The following ARHGAP22 variants were observed in gnomAD, a reference collection of about 807,000 sequenced individuals.
ARHGAP22 encodes rho GTPase-activating protein 22.
A neutral mutation model predicts 59.1 loss-of-function variants in ARHGAP22; 48 were observed. That is an observed-to-expected ratio of 0.81 (90% confidence interval 0.64 to 1.03). The LOEUF (loss-of-function observed/expected upper bound fraction) is 1.03, where lower values mean the gene tolerates loss of function less well. Among genes scored for constraint, ARHGAP22 ranks in the 50% least tolerant of loss-of-function variants. The pLI is 0.00. For synonymous variants in ARHGAP22, 445 were observed against 416.4 expected (o/e 1.07, Z -0.84); for missense variants, 1,015 against 958.7 (o/e 1.06, Z -0.78).
intron 3 of ARHGAP22, among the ~76,000 whole-genome samples, chr10:48,496,893 C>T (rs2134305603): frequency 6.6e-6 from 1 of 152,264 alleles, no homozygotes; most frequent in Non-Finnish European, 1.5e-5. Context: ...CTAACTGCCA[C>T]TGGGCCGTGA....
intron 3 of ARHGAP22, among the ~76,000 whole-genome samples, chr10:48,547,099 T>C (rs2056504839): frequency 6.6e-6 from 1 of 152,200 alleles, no homozygotes; most frequent in Non-Finnish European, 1.5e-5. Flanking sequence ...TGTGAGGCCC[T>C]TGATGTCTGT....
At chr10:48,475,718 A>T (rs185547564) in intron 4 of ARHGAP22, among the ~76,000 whole-genome samples, 1 of 151,926 alleles carries the variant, frequency 6.6e-6, no homozygotes, top group Non-Finnish European at 1.5e-5. Flanking sequence ...CTCACCTCTC[A>T]CCTGCACTGT....
chr10:48,595,914 C>T (rs2060037856), intron 1 of ARHGAP22, among the ~76,000 whole-genome samples: 1 of 152,192 alleles, frequency 6.6e-6, no homozygotes, highest in African/African-American at 2.4e-5. Context: ...CCTAATGAGC[C>T]TCGCCTCGGC....
the ARHGAP22 span, chr10:48,431,345 C>G: frequency 1.1e-6 from 1 of 877,600 alleles, no homozygotes. Flanking sequence ...CTGAAACCTG[C>G]AGTTCTTCCC....
At chr10:48,482,867 T>C (rs2049465832) in intron 3 of ARHGAP22, among the ~76,000 whole-genome samples, 1 of 152,130 alleles carries the variant, frequency 6.6e-6, no homozygotes, top group African/African-American at 2.4e-5. Context: ...TACCCTGCTA[T>C]GGAACATTAG....
intron 2 of ARHGAP22, among the ~76,000 whole-genome samples, chr10:48,573,223 G>T (rs1174097918): frequency 6.6e-6 from 1 of 152,150 alleles, no homozygotes; most frequent in Admixed American, 6.5e-5. Context: ...TTCCACCCAG[G>T]GGAGAAGGCC....
intron 1 of ARHGAP22, among the ~76,000 whole-genome samples, chr10:48,597,612 A>C (rs550412878): frequency 1.3e-5 from 2 of 152,302 alleles, no homozygotes; most frequent in African/African-American, 4.8e-5. Flanking sequence ...CTGAGTGAAC[A>C]GTGTAGGCCC....
intron 3 of ARHGAP22, among the ~76,000 whole-genome samples, chr10:48,526,601 G>A (rs1476397281): frequency 1.3e-5 from 2 of 152,184 alleles, no homozygotes; most frequent in Non-Finnish European, 2.9e-5. Context: ...CTGCATTCAG[G>A]GAGAGCATCT....
intron 1 of ARHGAP22, among the ~76,000 whole-genome samples, chr10:48,635,281 G>C (rs1234427797): frequency 6.6e-6 from 1 of 152,196 alleles, no homozygotes; most frequent in Admixed American, 6.5e-5. Flanking sequence ...GTCTCCTCAG[G>C]CATGACTAGT....
intron 4 of ARHGAP22, among the ~76,000 whole-genome samples, chr10:48,465,740 G>T (rs1432898970): frequency 6.6e-6 from 1 of 152,206 alleles, no homozygotes; most frequent in African/African-American, 2.4e-5. Flanking sequence ...CTGGGAAGAG[G>T]CACAATGAGG....
intron 3 of ARHGAP22, among the ~76,000 whole-genome samples, chr10:48,555,120 T>C (rs2057203990): frequency 6.6e-6 from 1 of 152,210 alleles, no homozygotes; most frequent in Admixed American, 6.5e-5. Context: ...CTAAATATTC[T>C]TGATCTGTGC....
chr10:48,565,218 C>T (rs2057973971), intron 2 of ARHGAP22, among the ~76,000 whole-genome samples: 1 of 152,222 alleles, frequency 6.6e-6, no homozygotes, highest in African/African-American at 2.4e-5. Flanking sequence ...CTCAGTTTCT[C>T]TCTCTGTTAA....
intron 3 of ARHGAP22, among the ~76,000 whole-genome samples, chr10:48,484,454 C>T (rs1167224406): frequency 6.6e-6 from 1 of 152,144 alleles, no homozygotes; most frequent in East Asian, 1.9e-4. Flanking sequence ...CCTGCAGTTT[C>T]CTTTACTTAC....
At chr10:48,537,481 C>G (rs2055476245) in intron 3 of ARHGAP22, among the ~76,000 whole-genome samples, 1 of 152,238 alleles carries the variant, frequency 6.6e-6, no homozygotes, top group African/African-American at 2.4e-5. Flanking sequence ...AGGCCTGGTT[C>G]TCCAGGATGC....
At chr10:48,534,049 C>T (rs1326977899) in intron 3 of ARHGAP22, among the ~76,000 whole-genome samples, 1 of 152,234 alleles carries the variant, frequency 6.6e-6, no homozygotes, top group African/African-American at 2.4e-5. Context: ...AGTGCATTCT[C>T]TGGCACACTG....
chr10:48,524,101 C>T, intron 3 of ARHGAP22: 1 of 1,361,482 alleles, frequency 7.3e-7, no homozygotes, highest in East Asian at 3.1e-5. Context: ...CAGCACAGCC[C>T]CATGGCAGCC....
intron 3 of ARHGAP22, among the ~76,000 whole-genome samples, chr10:48,493,214 G>A (rs1197202501): frequency 1.3e-5 from 2 of 152,176 alleles, no homozygotes; most frequent in Non-Finnish European, 2.9e-5. Flanking sequence ...CCTGGGCAAT[G>A]AGCCAGCTGG....
In ARHGAP22 at chr10:48,483,992, A is replaced by G. The variant is rs750350124; in HGVS notation, c.323-4228T>C. On this transcript the variant is annotated intron_variant, in intron 3 of 9. Transcript: ENST00000249601. ...AGTCTTTCCCTCTATGTTTTCTTCC[A>G]GTAGTTTCATACTTTCATGTTTTAT... Among the ~76,000 whole-genome samples the G allele has an allele frequency of 3.9e-5, 6 of 152,214 alleles. 1 individual carries two copies. The South Asian group carries it at 6.2e-4, about 16-fold the overall frequency.
rs993542569 is a variant in ARHGAP22, at chr10:48,453,531, G to C, written c.867-106C>G. 9 of 1,532,510 alleles carry C rather than the reference G, an allele frequency of 5.9e-6. No homozygotes were observed. In the African/African-American group the frequency reaches 1.1e-4, roughly 19 times the overall value. The allele number at this position is 1,532,510 out of a possible 1,614,324, so 94.9% of individuals were successfully genotyped here. On this transcript the variant is annotated intron_variant, in intron 7 of 9. Coordinates refer to ENST00000249601, the MANE Select transcript of ARHGAP22 (RefSeq NM_021226.4). Reference sequence around the variant, plus strand: ...ACACCCCTGCTGAGCCCTGCTGCCTGTGGGCTTTTGCCCACTGGGTGTAGC... The same window carrying C: ...ACACCCCTGCTGAGCCCTGCTGCCTCTGGGCTTTTGCCCACTGGGTGTAGC...
Sources: gnomAD v4.1 joint callset for allele counts (sites outside exome capture counted in the v4.1 genomes callset) on GRCh38, gnomAD v4.1.1 for gene constraint, MANE v1.5 for transcripts, NCBI Gene and HGNC (gene_info 2026-07-23, HGNC 2026-07-21) for gene names.